The following NFIB variants were observed in gnomAD, a reference collection of about 807,000 sequenced individuals.
NFIB encodes nuclear factor 1 B-type.
A neutral mutation model predicts 61.5 loss-of-function variants in NFIB; 11 were observed. That is an observed-to-expected ratio of 0.18 (90% confidence interval 0.11 to 0.30). The LOEUF is 0.30. NFIB is among the 10% of genes least tolerant of loss of function. NFIB has a pLI of 1.00. For synonymous variants in NFIB, 260 were observed against 216.5 expected, an observed-to-expected ratio of 1.20 and a Z score of -1.76; for missense variants, 471 against 608.9, an observed-to-expected ratio of 0.77 and a Z score of 2.38.
At chr9:14,370,884 C>T (rs951900048) in intron 1 of NFIB, among the ~76,000 whole-genome samples, 13 of 152,260 alleles carry the variant, frequency 8.5e-5, no homozygotes, top group African/African-American at 2.2e-4. Flanking sequence ...CACTTGAGGT[C>T]GGGAGTTCAA....
At chr9:14,294,279 C>A (rs534050624) in intron 2 of NFIB, among the ~76,000 whole-genome samples, 24 of 152,266 alleles carry the variant, frequency 1.6e-4, no homozygotes, top group Admixed American at 4.6e-4. Flanking sequence ...AAGTCATATC[C>A]TAAAATGTTG....
At chr9:14,377,936 C>G (rs1222746546) in intron 1 of NFIB, among the ~76,000 whole-genome samples, 4 of 152,176 alleles carry the variant, frequency 2.6e-5, no homozygotes, top group Non-Finnish European at 5.9e-5. Flanking sequence ...CCACTTTCAT[C>G]CTCAAAGTGG....
chr9:14,393,943 T>C (rs1245448864), intron 1 of NFIB, among the ~76,000 whole-genome samples: 1 of 152,220 alleles, frequency 6.6e-6, no homozygotes, highest in Non-Finnish European at 1.5e-5. Flanking sequence ...TCCCAACATG[T>C]TCCATTCCTT....
the NFIB span, among the ~76,000 whole-genome samples, chr9:14,473,532 C>T: frequency 6.6e-6 from 1 of 152,172 alleles, no homozygotes; most frequent in African/African-American, 2.4e-5. Context: ...TTTCATCACT[C>T]ACCACTGTGT....
chr9:14,112,906 G>T (rs1351662819), intron 10 of NFIB, 93 bp downstream of exon 10: 4 of 1,173,068 alleles, frequency 3.4e-6, no homozygotes, highest in Non-Finnish European at 4.8e-6. Flanking sequence ...AGCCCCGGGA[G>T]CCCCCTTCTG....
At chr9:14,484,987 G>T in the NFIB span, among the ~76,000 whole-genome samples, 1 of 152,114 alleles carries the variant, frequency 6.6e-6, no homozygotes, top group Non-Finnish European at 1.5e-5. Flanking sequence ...TTGCTGTGTT[G>T]TCACATGACA....
At chr9:14,315,721 G>T (rs982977722), upstream of NFIB, among the ~76,000 whole-genome samples, 14 of 151,432 alleles carry the variant, frequency 9.2e-5, no homozygotes, top group African/African-American at 3.2e-4. Flanking sequence ...GGTTCGCCTT[G>T]CACCCTTTCT....
the NFIB span, among the ~76,000 whole-genome samples, chr9:14,519,994 T>C: frequency 6.6e-6 from 1 of 152,222 alleles, no homozygotes; most frequent in African/African-American, 2.4e-5. Flanking sequence ...CTCTACGTTA[T>C]AAACATGATA....
At chr9:14,219,314 G>A (rs1390491036) in intron 2 of NFIB, among the ~76,000 whole-genome samples, 2 of 127,114 alleles carry the variant, frequency 1.6e-5, no homozygotes, top group Admixed American at 9.5e-5. Flanking sequence ...CTATTATATA[G>A]ATTGACAAAT....
At chr9:14,405,864 A>T in the NFIB span, among the ~76,000 whole-genome samples, 1 of 152,232 alleles carries the variant, frequency 6.6e-6, no homozygotes, top group South Asian at 2.1e-4. Context: ...GCAAGAATAT[A>T]AATCAGGCCT....
chr9:14,465,260 A>T, the NFIB span, among the ~76,000 whole-genome samples: 2 of 152,184 alleles, frequency 1.3e-5, no homozygotes, highest in Non-Finnish European at 2.9e-5. Flanking sequence ...CCATCCTGGA[A>T]CCTTCTAATG....
At chr9:14,122,417 A>G (rs2039063626) in intron 7 of NFIB, among the ~76,000 whole-genome samples, 1 of 152,196 alleles carries the variant, frequency 6.6e-6, no homozygotes, top group South Asian at 2.1e-4. Context: ...TCTAGGGGTA[A>G]GGCACCAAAA....
At chr9:14,372,046 A>C (rs991183361) in intron 1 of NFIB, among the ~76,000 whole-genome samples, 2 of 151,970 alleles carry the variant, frequency 1.3e-5, no homozygotes, top group African/African-American at 4.8e-5. Context: ...CCATCTCTAC[A>C]TGAGTTGGTA....
At chr9:14,491,403 G>T in the NFIB span, among the ~76,000 whole-genome samples, 1 of 152,150 alleles carries the variant, frequency 6.6e-6, no homozygotes, top group African/African-American at 2.4e-5. Flanking sequence ...TCAGAAAGTG[G>T]CAACAAAATG....
intron 2 of NFIB, among the ~76,000 whole-genome samples, chr9:14,247,511 C>A (rs1224189246): frequency 6.6e-6 from 1 of 152,238 alleles, no homozygotes; most frequent in African/African-American, 2.4e-5. Context: ...CTACATGGCA[C>A]GTCTCTGCAC....
intron 8 of NFIB, among the ~76,000 whole-genome samples, chr9:14,118,418 T>C (rs750110203): frequency 2.6e-5 from 4 of 152,128 alleles, no homozygotes; most frequent in Non-Finnish European, 5.9e-5. Flanking sequence ...AAACTTCACC[T>C]ACTGGAATTG....
intron 2 of NFIB, among the ~76,000 whole-genome samples, chr9:14,200,286 T>C (rs998820728): frequency 6.6e-6 from 1 of 152,164 alleles, no homozygotes; most frequent in Admixed American, 6.5e-5. Flanking sequence ...AAGATTACAA[T>C]AAACATAATC....
intron 2 of NFIB, among the ~76,000 whole-genome samples, chr9:14,261,083 G>A (rs1003195613): frequency 2.0e-5 from 3 of 152,176 alleles, no homozygotes; most frequent in Non-Finnish European, 2.9e-5. Context: ...TTGGGAGGCC[G>A]AGGCAGGCAG....
At chr9:14,413,657 T>C in the NFIB span, among the ~76,000 whole-genome samples, 7 of 152,128 alleles carry the variant, frequency 4.6e-5, no homozygotes, top group Admixed American at 1.3e-4. Flanking sequence ...GAATGCTTGA[T>C]TACATTTAAG....
Sources: allele counts gnomAD v4.1 joint callset (sites outside exome capture counted in the v4.1 genomes callset), GRCh38; gene constraint gnomAD v4.1.1; transcripts MANE v1.5; gene names NCBI Gene and HGNC (gene_info 2026-07-23, HGNC 2026-07-21).